Variants in PAK3 observed in about 807,000 individuals in gnomAD.
PAK3 encodes the protein serine/threonine-protein kinase PAK 3.
Under a neutral mutation model 41.0 loss-of-function variants are expected in PAK3, and 4 were observed. That is an observed-to-expected ratio of 0.10 (90% CI 0.05 to 0.22). The LOEUF (loss-of-function observed/expected upper bound fraction) is 0.22, where lower values mean the gene tolerates loss of function less well. PAK3 is among the 10% of genes least tolerant of loss of function. PAK3 has a pLI of 1.00. For missense variants in PAK3, 205 were observed against 409.9 expected, an observed-to-expected ratio of 0.50 and a Z score of 4.32; for synonymous variants, 146 against 139.6, an observed-to-expected ratio of 1.05 and a Z score of -0.32.
At chrX:111,187,025 A>G (rs940085279) in intron 11 of PAK3, among the ~76,000 whole-genome samples, 1 of 111,339 alleles carries the variant, frequency 9.0e-6, no homozygotes, top group Non-Finnish European at 1.9e-5. Flanking sequence ...CCCTTCAATT[A>G]TTTGTCTTTG....
intron 1 of PAK3, among the ~76,000 whole-genome samples, chrX:110,964,670 C>A (rs1015762941): frequency 3.6e-5 from 4 of 112,291 alleles, no homozygotes; most frequent in African/African-American, 9.7e-5. Flanking sequence ...TCTACAGAAT[C>A]TTCCTCTACC....
At chrX:111,185,862 T>C (rs1214881457) in intron 11 of PAK3, among the ~76,000 whole-genome samples, 1 of 111,041 alleles carries the variant, frequency 9.0e-6, no homozygotes, top group East Asian at 2.8e-4. Context: ...TTCAGGCCAA[T>C]ACCAATGATG....
chrX:111,169,501 G>A (rs774471325), intron 10 of PAK3: 3 of 108,806 alleles, frequency 2.8e-5, no homozygotes, highest in African/African-American at 6.6e-5. Flanking sequence ...GAACAAGGGC[G>A]AGAGAGAGAG....
At chrX:111,165,052 A>G (rs776343373) in intron 10 of PAK3, among the ~76,000 whole-genome samples, 1 of 111,361 alleles carries the variant, frequency 9.0e-6, no homozygotes, top group East Asian at 2.9e-4. Flanking sequence ...GGTAGAGGCT[A>G]AGGATGCTTC....
chrX:111,054,423 T>C (rs1327133824), intron 1 of PAK3, among the ~76,000 whole-genome samples: 1 of 112,688 alleles, frequency 8.9e-6, no homozygotes, highest in Non-Finnish European at 1.9e-5. Context: ...AGAAATTTGA[T>C]ATTTAAAAAG....
intron 16 of PAK3, among the ~76,000 whole-genome samples, chrX:111,215,055 G>T (rs1481341752): frequency 9.0e-6 from 1 of 111,600 alleles, no homozygotes; most frequent in Non-Finnish European, 1.9e-5. Context: ...TTTACTTAGT[G>T]CTTTCTAGTT....
intron 9 of PAK3, 137 bp from the exon 10 acceptor site, chrX:111,163,425 T>A: frequency 1.9e-6 from 1 of 530,249 alleles, no homozygotes; most frequent in Admixed American, 2.8e-5. Context: ...AGTGTTGTAC[T>A]TTCAGCTACT....
At chrX:110,972,914 C>T (rs964100193) in intron 1 of PAK3, among the ~76,000 whole-genome samples, 2 of 111,353 alleles carry the variant, frequency 1.8e-5, no homozygotes, top group Non-Finnish European at 3.8e-5. Flanking sequence ...CTTCGTGACG[C>T]ATGCACAAGC....
At chrX:110,948,190 G>A (rs2090662531) in intron 1 of PAK3, among the ~76,000 whole-genome samples, 1 of 111,820 alleles carries the variant, frequency 8.9e-6, no homozygotes, top group East Asian at 2.8e-4. Context: ...TTTCAGCATG[G>A]CCTTTAATAT....
chrX:111,110,789 T>C, intron 4 of PAK3, among the ~76,000 whole-genome samples: 1 of 112,242 alleles, frequency 8.9e-6, no homozygotes, highest in East Asian at 2.8e-4. Context: ...GCCATTTCTG[T>C]CCTGACATGA....
At chrX:111,059,542 T>A (rs1569292967) in intron 1 of PAK3, among the ~76,000 whole-genome samples, 2 of 111,571 alleles carry the variant, frequency 1.8e-5, no homozygotes, top group East Asian at 5.7e-4. Context: ...TGTTGCCATG[T>A]TAATGTTAAA....
chrX:111,003,442 A>T (rs780982259), intron 1 of PAK3, among the ~76,000 whole-genome samples: 1 of 111,150 alleles, frequency 9.0e-6, no homozygotes, highest in Admixed American at 9.6e-5. Context: ...GAGCTTAGAG[A>T]TTATCTACTC....
In PAK3 at chrX:110,996,036, G is replaced by T. The variant is rs765285547; in HGVS notation, c.-28+51408G>T. Among the ~76,000 whole-genome samples, 3 of 111,498 alleles carry T rather than the reference G, an allele frequency of 2.7e-5. No homozygotes were observed. In the Admixed American group the frequency reaches 2.9e-4, roughly 11 times the overall value. Reference sequence around the variant, plus strand: ...TATTCTCAAACTCATTGGTTCTCAGGCTTGCTTCAAATTGAGAATCACTCA... The same window carrying T: ...TATTCTCAAACTCATTGGTTCTCAGTCTTGCTTCAAATTGAGAATCACTCA... On this transcript the variant is annotated intron_variant, in intron 1 of 14. Coordinates refer to the PAK3 transcript ENST00000425146.
intron 4 of PAK3, among the ~76,000 whole-genome samples, chrX:111,118,396 A>C (rs1000039006): frequency 9.1e-6 from 1 of 109,591 alleles, no homozygotes; most frequent in African/African-American, 3.4e-5. Flanking sequence ...GAGCCCAAGA[A>C]AGAGCCAGCA....
chrX:110,970,700 A>G (rs2148631211), intron 1 of PAK3, among the ~76,000 whole-genome samples: 1 of 111,942 alleles, frequency 8.9e-6, no homozygotes, highest in Admixed American at 9.5e-5. Context: ...CCACCATGGC[A>G]CATGTATACT....
At chrX:111,084,255 T>C (rs779095830) in intron 1 of PAK3, among the ~76,000 whole-genome samples, 2 of 112,382 alleles carry the variant, frequency 1.8e-5, no homozygotes, top group East Asian at 5.6e-4. Context: ...TAGCTATCTT[T>C]GTAGGCATCT....
intron 17 of PAK3, among the ~76,000 whole-genome samples, chrX:111,218,593 T>C (rs2094901269): frequency 9.0e-6 from 1 of 111,160 alleles, no homozygotes; most frequent in Admixed American, 9.6e-5. Flanking sequence ...CAAAGACATA[T>C]GGGCAAGGTC....
chrX:111,162,979 A>C lies in PAK3; in HGVS notation c.533A>C (p.Glu178Ala). 8.5e-7 allele frequency: 1 copy of C among 1,177,994 alleles called. No individual in the cohort carries two copies. Among genetic ancestry groups the C allele is most frequent in the Non-Finnish European group, 1.2e-6 (1 of 865,911 alleles). Reference sequence around the variant, plus strand: ...GTGTCTGAAGAAGAAGATGAAGAGGAAGAAGAAGAAGAAGATGAAAATGAG... The same window carrying C: ...GTGTCTGAAGAAGAAGATGAAGAGGCAGAAGAAGAAGAAGATGAAAATGAG... The part of the protein sequence containing the change: ...PPVSEEEDEE[E>A]EEEEDENEPP... Residue 178 changes from glutamate to alanine, a missense_variant, in exon 9 of 18, where the codon GAA (glutamate) becomes GCA (alanine). Coordinates refer to ENST00000372007, the MANE Select transcript of PAK3 (RefSeq NM_002578.5).
At chrX:111,038,240 G>A (rs1452598899) in intron 1 of PAK3, among the ~76,000 whole-genome samples, 1 of 111,933 alleles carries the variant, frequency 8.9e-6, no homozygotes, top group Non-Finnish European at 1.9e-5. Context: ...TTAGTATCAG[G>A]GACTATAGCA....
Sources: gnomAD v4.1 joint callset for allele counts (sites outside exome capture counted in the v4.1 genomes callset) on GRCh38, gnomAD v4.1.1 for gene constraint, MANE v1.5 for transcripts, NCBI Gene and HGNC (gene_info 2026-07-23, HGNC 2026-07-21) for gene names.